Variants in MPZL1 observed in about 807,000 individuals in gnomAD.
MPZL1 encodes myelin protein zero like 1, also known as myelin protein zero-like protein 1.
A neutral mutation model predicts 29.3 loss-of-function variants in MPZL1; 16 were observed. That is an observed-to-expected ratio of 0.55 (90% CI 0.37 to 0.83). The LOEUF is 0.83. Among genes scored for constraint, MPZL1 ranks in the 40% least tolerant of loss-of-function variants. The probability of loss-of-function intolerance (pLI) is 0.00; values close to 1 mark genes in which losing one functional copy is unlikely to be tolerated. For synonymous variants in MPZL1, 143 were observed against 132.0 expected, an observed-to-expected ratio of 1.08 and a Z score of -0.57; for missense variants, 279 against 332.9, an observed-to-expected ratio of 0.84 and a Z score of 1.26.
intron 1 of MPZL1, among the ~76,000 whole-genome samples, chr1:167,763,500 CAAA>C (rs199973930): frequency 2.7e-5 from 3 of 110,982 alleles, no homozygotes; most frequent in Non-Finnish European, 3.9e-5. Context: ...GACTCGGTCT[CAAA>C]AAAAAAAAAA....
intron 1 of MPZL1, among the ~76,000 whole-genome samples, chr1:167,727,398 T>A (rs962075367): frequency 6.6e-6 from 1 of 152,234 alleles, no homozygotes; most frequent in East Asian, 1.9e-4. Flanking sequence ...GACATACATC[T>A]CATGTGTACC....
At chr1:167,733,502 T>G (rs1267301800) in intron 1 of MPZL1, among the ~76,000 whole-genome samples, 2 of 152,116 alleles carry the variant, frequency 1.3e-5, no homozygotes, top group Admixed American at 1.3e-4. Context: ...CCCAGCACTT[T>G]GGGAAGCTGA....
intron 1 of MPZL1, chr1:167,765,301 C>T (rs1266709107): frequency 5.8e-6 from 1 of 172,540 alleles, no homozygotes; most frequent in East Asian, 1.5e-4. Context: ...TGAAACTGCT[C>T]TTTAAAAAGT....
At chr1:167,746,641 T>G (rs1660652399) in intron 1 of MPZL1, among the ~76,000 whole-genome samples, 1 of 152,168 alleles carries the variant, frequency 6.6e-6, no homozygotes, top group African/African-American at 2.4e-5. Flanking sequence ...GTGGCCTGTT[T>G]TAGAAGCCTG....
chr1:167,746,626 G>T (rs1043890072), intron 1 of MPZL1, among the ~76,000 whole-genome samples: 1 of 152,200 alleles, frequency 6.6e-6, no homozygotes. Flanking sequence ...TGGAGTTGGG[G>T]TTCAGTGGCC....
At chr1:167,739,310 C>CATATACATACAT (rs68082264) in intron 1 of MPZL1, among the ~76,000 whole-genome samples, 1 of 101,360 alleles carries the variant, frequency 9.9e-6, no homozygotes, top group Non-Finnish European at 1.9e-5. Context: ...TATATATATA[C>CATATACATACAT]ACATATATAT....
At chr1:167,771,348 A>G (rs1329709278) in intron 2 of MPZL1, among the ~76,000 whole-genome samples, 3 of 152,026 alleles carry the variant, frequency 2.0e-5, no homozygotes, top group Non-Finnish European at 2.9e-5. Context: ...AGGCAGAAGA[A>G]TTTTTCTTAG....
At chr1:167,762,904 G>A (rs1390843660) in intron 1 of MPZL1, among the ~76,000 whole-genome samples, 1 of 152,156 alleles carries the variant, frequency 6.6e-6, no homozygotes, top group Non-Finnish European at 1.5e-5. Flanking sequence ...CTCAGTGTGT[G>A]GCATCATTTT....
intron 1 of MPZL1, among the ~76,000 whole-genome samples, chr1:167,751,296 G>A (rs1660749914): frequency 6.6e-6 from 1 of 152,158 alleles, no homozygotes; most frequent in African/African-American, 2.4e-5. Flanking sequence ...AAATGGTTGT[G>A]ATGTTTAAAA....
chr1:167,783,299 A>G (rs1445401393), intron 5 of MPZL1, among the ~76,000 whole-genome samples: 2 of 152,176 alleles, frequency 1.3e-5, no homozygotes, highest in African/African-American at 4.8e-5. Flanking sequence ...CACTACCTAG[A>G]GTTTAGAGTG....
chr1:167,763,923 A>G (rs1047647788), intron 1 of MPZL1, among the ~76,000 whole-genome samples: 7 of 152,220 alleles, frequency 4.6e-5, no homozygotes, highest in African/African-American at 1.7e-4. Flanking sequence ...AGTGCCCATT[A>G]TGTCCTGAGA....
chr1:167,747,541 T>G (rs1328475189), intron 1 of MPZL1, among the ~76,000 whole-genome samples: 1 of 152,126 alleles, frequency 6.6e-6, no homozygotes, highest in Non-Finnish European at 1.5e-5. Flanking sequence ...AATAAAAATG[T>G]TAGATAGTAG....
rs557180016 is a variant in MPZL1 at position 167,753,080 on chromosome 1, C to T, written c.92-12503C>T. 1.3e-4 allele frequency among the ~76,000 whole-genome samples: 20 copies of T among 152,222 alleles called. No homozygotes were observed. In the East Asian group the frequency reaches 2.1e-3, roughly 16 times the overall value. ...CTTCGGTAGACTACAGCCATAGAGT[C>T]GTGTGAGAATTACTGAAGAGTGTGG... On this transcript the variant is annotated intron_variant, in intron 1 of 5. Transcript: ENST00000359523.
chr1:167,773,158 TG>T, intron 3 of MPZL1, 77 bp from the exon 4 acceptor site: 1 of 1,451,214 alleles, frequency 6.9e-7, no homozygotes, highest in Non-Finnish European at 9.5e-7. Flanking sequence ...TGAAGATACT[TG>T]CTCGTTAATT....
intron 1 of MPZL1, among the ~76,000 whole-genome samples, chr1:167,756,429 ATTTTTTTTT>A (rs11455159): frequency 9.5e-5 from 9 of 94,632 alleles, no homozygotes; most frequent in Admixed American, 3.6e-4. Flanking sequence ...GTCTGGCCAG[ATTTTTTTTT>A]TTTTTTTTTT....
chr1:167,745,162 C>T (rs923594925), intron 1 of MPZL1, among the ~76,000 whole-genome samples: 7 of 152,062 alleles, frequency 4.6e-5, no homozygotes, highest in African/African-American at 1.7e-4. Context: ...TCAGCCAGGT[C>T]TTGGTTTGAA....
At chr1:167,741,281 C>T (rs201757190) in intron 1 of MPZL1, among the ~76,000 whole-genome samples, 1 of 150,936 alleles carries the variant, frequency 6.6e-6, no homozygotes, top group African/African-American at 2.4e-5. Context: ...CTCAGCCTCC[C>T]AAAGTGCTGG....
At chr1:167,777,142 A>G (rs1410872748) in intron 5 of MPZL1, among the ~76,000 whole-genome samples, 1 of 152,218 alleles carries the variant, frequency 6.6e-6, no homozygotes. Context: ...ATTACATAAT[A>G]TATGTCAGAT....
Position 167,759,819 on chromosome 1 carries a change from A to G in MPZL1, c.92-5764A>G, listed in dbSNP as rs529833242. ...TCTCTATCTGGGGTACACTCACAATAGGCAGAGGAAAAACATGGTAACCAG... is the reference window on the plus strand; with the variant it reads ...TCTCTATCTGGGGTACACTCACAATGGGCAGAGGAAAAACATGGTAACCAG... On this transcript the variant is annotated intron_variant, in intron 1 of 5. Transcript: ENST00000359523. 3.9e-5 allele frequency among the ~76,000 whole-genome samples: 6 copies of G among 152,270 alleles called. No homozygotes were observed. The East Asian group carries it at 9.6e-4, about 24-fold the overall frequency.
Sources: gnomAD v4.1 joint callset for allele counts (sites outside exome capture counted in the v4.1 genomes callset) on GRCh38, gnomAD v4.1.1 for gene constraint, MANE v1.5 for transcripts, NCBI Gene and HGNC (gene_info 2026-07-23, HGNC 2026-07-21) for gene names.